Variants in LYN observed in about 807,000 individuals in gnomAD.
LYN encodes the protein tyrosine-protein kinase Lyn.
Under a neutral mutation model 65.0 loss-of-function variants are expected in LYN, and 12 were observed. That is an observed-to-expected ratio of 0.18 (90% CI 0.12 to 0.30). LYN has a LOEUF of 0.30. Ranked by LOEUF, LYN falls within the 10% of genes least tolerant of loss-of-function variation. The pLI, the probability that LYN is intolerant of heterozygous loss-of-function variation, is 1.00. For missense variants in LYN, 380 were observed against 623.2 expected (o/e 0.61, Z 4.16); for synonymous variants, 222 against 221.2 (o/e 1.00, Z -0.03).
chr8:55,936,758 G>A (rs547989769), intron 1 of LYN, among the ~76,000 whole-genome samples: 15 of 152,050 alleles, frequency 9.9e-5, no homozygotes, highest in African/African-American at 2.7e-4. Context: ...CCAAATAGCC[G>A]GAAGAGCAAA....
chr8:55,885,679 G>A (rs552640189), intron 1 of LYN, among the ~76,000 whole-genome samples: 1 of 152,306 alleles, frequency 6.6e-6, no homozygotes, highest in African/African-American at 2.4e-5. Flanking sequence ...GGAGGTGAGG[G>A]GAATGGAGAA....
intron 12 of LYN, among the ~76,000 whole-genome samples, chr8:56,007,975 C>T (rs553362584): frequency 5.3e-5 from 8 of 151,782 alleles, no homozygotes; most frequent in South Asian, 4.2e-4. Context: ...AAAAATTAGC[C>T]GGGCATGGTA....
At chr8:55,881,317 TAGTCTGACTTTCCCTAAAGAACTAGCCA>T (rs1207208261) in intron 1 of LYN, among the ~76,000 whole-genome samples, 1 of 152,162 alleles carries the variant, frequency 6.6e-6, no homozygotes, top group Non-Finnish European at 1.5e-5. Flanking sequence ...CAGGGCCCAG[TAGTCTGACTTTCCCTAAAGAACTAGCCA>T]ATAAACTGGT....
At chr8:55,976,228 G>T (rs1807747491) in intron 10 of LYN, among the ~76,000 whole-genome samples, 1 of 151,150 alleles carries the variant, frequency 6.6e-6, no homozygotes, top group Non-Finnish European at 1.5e-5. Context: ...TCCGAAGGCT[G>T]AGGTAGGAGA....
At chr8:55,930,645 C>G (rs927795151) in intron 1 of LYN, among the ~76,000 whole-genome samples, 6 of 152,170 alleles carry the variant, frequency 3.9e-5, no homozygotes, top group African/African-American at 1.4e-4. Flanking sequence ...CAGCAATGCC[C>G]TGTTGTCTTC....
At chr8:55,972,995 G>T (rs1807652521) in intron 10 of LYN, among the ~76,000 whole-genome samples, 1 of 152,184 alleles carries the variant, frequency 6.6e-6, no homozygotes, top group Non-Finnish European at 1.5e-5. Flanking sequence ...GTTAAATTCA[G>T]CAGATTGTCA....
intron 10 of LYN, among the ~76,000 whole-genome samples, chr8:55,987,406 C>CAAAA (rs879257306): frequency 9.3e-6 from 1 of 107,278 alleles, no homozygotes; most frequent in Admixed American, 9.9e-5. Flanking sequence ...GACTTCATCT[C>CAAAA]AAAAAAAAAA....
At chr8:55,940,000 T>A (rs2130470209) in intron 1 of LYN, among the ~76,000 whole-genome samples, 1 of 152,298 alleles carries the variant, frequency 6.6e-6, no homozygotes, top group South Asian at 2.1e-4. Flanking sequence ...AGTAATGAAA[T>A]GATAAACAAG....
intron 1 of LYN, among the ~76,000 whole-genome samples, chr8:55,908,445 A>T (rs1805494209): frequency 6.6e-6 from 1 of 151,878 alleles, no homozygotes; most frequent in Non-Finnish European, 1.5e-5. Context: ...GGGTTTCACC[A>T]TGTTGACCAG....
intron 10 of LYN, among the ~76,000 whole-genome samples, chr8:55,990,897 A>T (rs1808227655): frequency 1.3e-5 from 2 of 152,186 alleles, no homozygotes; most frequent in Non-Finnish European, 2.9e-5. Flanking sequence ...TAAACCTCAT[A>T]CCCTGGGGAA....
chr8:56,003,212 A>G (rs1454993924), intron 12 of LYN, among the ~76,000 whole-genome samples: 2 of 150,534 alleles, frequency 1.3e-5, no homozygotes, highest in Non-Finnish European at 2.9e-5. Flanking sequence ...GGTGCCCGCC[A>G]CCACGCCCAG....
intron 10 of LYN, among the ~76,000 whole-genome samples, chr8:55,992,299 A>G (rs1808270179): frequency 6.6e-6 from 1 of 152,192 alleles, no homozygotes; most frequent in African/African-American, 2.4e-5. Context: ...GAGCTGTGAT[A>G]GAGAGGGAGA....
chr8:55,990,107 C>T (rs904412058), intron 10 of LYN, among the ~76,000 whole-genome samples: 58 of 151,972 alleles, frequency 3.8e-4, no homozygotes, highest in African/African-American at 1.3e-3. Flanking sequence ...GGCATGGTGG[C>T]GGACACCTGT....
intron 10 of LYN, 90 bp from the exon 11 acceptor site, chr8:55,998,256 C>T: frequency 2.1e-6 from 2 of 958,082 alleles, no homozygotes; most frequent in South Asian, 3.0e-5. Context: ...GAAAAGATTT[C>T]AGGAATTCAT....
At chr8:56,006,529 A>G (rs1267782302) in intron 12 of LYN, among the ~76,000 whole-genome samples, 2 of 152,042 alleles carry the variant, frequency 1.3e-5, no homozygotes, top group Non-Finnish European at 2.9e-5. Context: ...CTGCTTCTTT[A>G]CCAACTTGTA....
intron 1 of LYN, among the ~76,000 whole-genome samples, chr8:55,924,017 A>G (rs1426625195): frequency 6.6e-6 from 1 of 151,896 alleles, no homozygotes; most frequent in Non-Finnish European, 1.5e-5. Context: ...ATCATATTGG[A>G]CACCCACATT....
intron 10 of LYN, among the ~76,000 whole-genome samples, chr8:55,983,321 T>A (rs1004054408): frequency 1.3e-5 from 2 of 152,222 alleles, no homozygotes; most frequent in African/African-American, 4.8e-5. Context: ...AGCCCTGACA[T>A]GCATCAGGTC....
intron 10 of LYN, among the ~76,000 whole-genome samples, chr8:55,997,033 T>G (rs1041277862): frequency 6.6e-6 from 1 of 151,874 alleles, no homozygotes; most frequent in Admixed American, 6.6e-5. Context: ...TGGTGGTGCG[T>G]GCCTGTAATC....
chr8:55,941,643 G>A (rs1806616779), intron 1 of LYN, among the ~76,000 whole-genome samples: 2 of 152,196 alleles, frequency 1.3e-5, no homozygotes, highest in African/African-American at 4.8e-5. Context: ...TTTTGTCTGG[G>A]TGATGGAAAA....
Sources: gnomAD v4.1 joint callset for allele counts (sites outside exome capture counted in the v4.1 genomes callset) on GRCh38, gnomAD v4.1.1 for gene constraint, MANE v1.5 for transcripts, NCBI Gene and HGNC (gene_info 2026-07-23, HGNC 2026-07-21) for gene names.